MAGI2: variants seen among roughly 807,000 people sequenced by gnomAD.
MAGI2 encodes membrane associated guanylate kinase, WW and PDZ domain containing 2, also known as membrane-associated guanylate kinase, WW and PDZ domain-containing protein 2.
In MAGI2, 35 loss-of-function variants were observed where a neutral mutation model predicts 133.3. The ratio of observed to expected loss-of-function variants is 0.26; its 90% confidence interval spans 0.20 to 0.35. The LOEUF is 0.35. Among genes scored for constraint, MAGI2 ranks in the 10% least tolerant of loss-of-function variants. MAGI2 has a pLI of 1.00. For synonymous variants in MAGI2, 729 were observed against 710.6 expected (o/e 1.03, Z -0.41); for missense variants, 1,636 against 1,863.4 (o/e 0.88, Z 2.25).
chr7:78,497,070 A>G (rs1794154709), intron 5 of MAGI2, among the ~76,000 whole-genome samples: 1 of 152,192 alleles, frequency 6.6e-6, no homozygotes, highest in Non-Finnish European at 1.5e-5. Flanking sequence ...ACCCTTAAAA[A>G]GGTGGGTCCT....
At chr7:78,754,750 T>C (rs773526778) in intron 2 of MAGI2, among the ~76,000 whole-genome samples, 3 of 152,234 alleles carry the variant, frequency 2.0e-5, no homozygotes, top group Non-Finnish European at 4.4e-5. Context: ...TTCTAAACGA[T>C]TCACTAAAAT....
chr7:78,752,282 T>C (rs1409799127), intron 2 of MAGI2, among the ~76,000 whole-genome samples: 10 of 152,210 alleles, frequency 6.6e-5, no homozygotes, highest in African/African-American at 2.4e-4. Context: ...AACATGATGA[T>C]AGAATGATCT....
At chr7:79,076,262 A>T (rs1358664559) in intron 1 of MAGI2, among the ~76,000 whole-genome samples, 5 of 152,326 alleles carry the variant, frequency 3.3e-5, no homozygotes, top group African/African-American at 1.2e-4. Flanking sequence ...TAACTAGTTT[A>T]GTTTTAATTT....
rs1213086475 is a variant in MAGI2 at position 78,512,281 on chromosome 7, G to A, written c.754+9149C>T. On this transcript the variant is annotated intron_variant, in intron 4 of 21. Transcript: ENST00000354212. ...GGGAGAAAACGTAAGTCTAGAAGGAGATATTAGAATTAGGGAAAGTTAGTG... is the reference window on the plus strand; with the variant it reads ...GGGAGAAAACGTAAGTCTAGAAGGAAATATTAGAATTAGGGAAAGTTAGTG... Among the ~76,000 whole-genome samples, 4 of 152,200 alleles carry A rather than the reference G, an allele frequency of 2.6e-5. No homozygotes were observed. The East Asian group carries it at 7.7e-4, about 29-fold the overall frequency.
intron 1 of MAGI2, among the ~76,000 whole-genome samples, chr7:79,339,066 A>G (rs1840696643): frequency 6.6e-6 from 1 of 152,172 alleles, no homozygotes; most frequent in Admixed American, 6.6e-5. Flanking sequence ...AATAAGTACA[A>G]GGAGGAGCAT....
intron 2 of MAGI2, among the ~76,000 whole-genome samples, chr7:78,710,004 G>T (rs374776746): frequency 3.0e-4 from 45 of 152,184 alleles, no homozygotes; most frequent in African/African-American, 1.1e-3. Flanking sequence ...CCTTCAAACA[G>T]AACTTTCTAA....
chr7:78,924,428 C>A (rs1231774591), intron 2 of MAGI2, among the ~76,000 whole-genome samples: 2 of 152,014 alleles, frequency 1.3e-5, no homozygotes, highest in African/African-American at 4.8e-5. Flanking sequence ...TTGTCAAAGG[C>A]CTTTTCTGCA....
chr7:79,032,061 A>C (rs1366631196), intron 1 of MAGI2, among the ~76,000 whole-genome samples: 1 of 152,198 alleles, frequency 6.6e-6, no homozygotes. Context: ...CAGTTGAGCT[A>C]TATTTCATTA....
chr7:79,160,774 C>T (rs1029286231), intron 1 of MAGI2, among the ~76,000 whole-genome samples: 2 of 152,038 alleles, frequency 1.3e-5, no homozygotes, highest in African/African-American at 4.8e-5. Context: ...AGTTAATATG[C>T]TTCATATGCA....
intron 1 of MAGI2, among the ~76,000 whole-genome samples, chr7:79,057,762 T>C (rs890362114): frequency 2.6e-5 from 4 of 152,258 alleles, no homozygotes; most frequent in East Asian, 3.9e-4. Context: ...GTAATTCATG[T>C]TAATGAGGCA....
At chr7:78,067,148 C>T (rs950353997) in intron 21 of MAGI2, among the ~76,000 whole-genome samples, 13 of 152,122 alleles carry the variant, frequency 8.5e-5, no homozygotes, top group Admixed American at 2.0e-4. Context: ...TTAAATTTCA[C>T]GATTTATTAA....
At chr7:78,706,239 G>A (rs767343863) in intron 2 of MAGI2, among the ~76,000 whole-genome samples, 138 of 152,122 alleles carry the variant, frequency 9.1e-4, no homozygotes, top group Middle Eastern at 3.4e-3. Context: ...ATGGAGGCAG[G>A]TCTTTCCTGT....
At chr7:78,486,941 G>T in intron 6 of MAGI2, 1 of 524,710 alleles carries the variant, frequency 1.9e-6, no homozygotes, top group South Asian at 1.4e-5. Flanking sequence ...CTCATTTCAT[G>T]GCTCTGGGGC....
chr7:78,321,816 C>G (rs1167998876), intron 9 of MAGI2, among the ~76,000 whole-genome samples: 1 of 152,138 alleles, frequency 6.6e-6, no homozygotes, highest in African/African-American at 2.4e-5. Context: ...AAGAAATTAT[C>G]ATCAGAGTGA....
At chr7:78,296,402 T>C (rs1797247126) in intron 9 of MAGI2, among the ~76,000 whole-genome samples, 1 of 152,176 alleles carries the variant, frequency 6.6e-6, no homozygotes, top group Non-Finnish European at 1.5e-5. Context: ...TCACACCTTT[T>C]AGGTCTCTGA....
intron 6 of MAGI2, among the ~76,000 whole-genome samples, chr7:78,383,693 G>T (rs75243542): frequency 0.054 from 8,168 of 152,108 alleles, 315 homozygotes; most frequent in South Asian, 0.095. Flanking sequence ...GTCCAAGAGA[G>T]TTTCCCCTAG....
chr7:78,262,471 G>A (rs1440560156), intron 9 of MAGI2, among the ~76,000 whole-genome samples: 4 of 152,028 alleles, frequency 2.6e-5, no homozygotes, highest in Admixed American at 6.6e-5. Context: ...CATACACTCT[G>A]TTGTCCTTTT....
chr7:79,230,279 T>C (rs968058439), intron 1 of MAGI2, among the ~76,000 whole-genome samples: 5 of 151,780 alleles, frequency 3.3e-5, no homozygotes, highest in Non-Finnish European at 7.4e-5. Context: ...TATAGCAGCA[T>C]GATTTCTAGT....
chr7:78,114,918 G>T (rs958209272), intron 20 of MAGI2, among the ~76,000 whole-genome samples: 1 of 152,250 alleles, frequency 6.6e-6, no homozygotes, highest in Non-Finnish European at 1.5e-5. Flanking sequence ...TGGACACACT[G>T]TGAGAGGGGG....
Sources: allele counts gnomAD v4.1 joint callset (sites outside exome capture counted in the v4.1 genomes callset), GRCh38; gene constraint gnomAD v4.1.1; transcripts MANE v1.5; gene names NCBI Gene and HGNC (gene_info 2026-07-23, HGNC 2026-07-21).